Variants in RNF144A observed in about 807,000 individuals in gnomAD.
RNF144A encodes ring finger protein 144A.
RNF144A carries 11 observed loss-of-function variants against 38.7 expected under a neutral mutation model. That is an observed-to-expected ratio of 0.28 (90% CI 0.18 to 0.47). The LOEUF (loss-of-function observed/expected upper bound fraction) is 0.47, where lower values mean the gene tolerates loss of function less well. RNF144A is among the 20% of genes least tolerant of loss of function. The probability of loss-of-function intolerance (pLI) is 0.99; values close to 1 mark genes in which losing one functional copy is unlikely to be tolerated. For synonymous variants in RNF144A, 149 were observed against 143.9 expected, an observed-to-expected ratio of 1.04 and a Z score of -0.25; for missense variants, 316 against 377.2, an observed-to-expected ratio of 0.84 and a Z score of 1.34.
intron 1 of RNF144A, among the ~76,000 whole-genome samples, chr2:6,922,976 G>T (rs1330587981): frequency 6.6e-6 from 1 of 152,186 alleles, no homozygotes; most frequent in Non-Finnish European, 1.5e-5. Flanking sequence ...CCTGGCTGGT[G>T]ATCTGGTGGG....
At chr2:7,014,587 T>C in intron 4 of RNF144A, 29 bp downstream of exon 4, 1 of 1,562,104 alleles carries the variant, frequency 6.4e-7, no homozygotes, top group Non-Finnish European at 8.8e-7. Context: ...ACTGGGCTGT[T>C]TGATGTGCAC....
Position 6,975,064 on chromosome 2 carries a change from C to T in RNF144A, c.-11-21852C>T, listed in dbSNP as rs78575063. ...TTTTTAAATATTCATGTGTATTAGT[C>T]CATTTTCATGCTGCTAATAAAGACA... On this transcript the variant is annotated intron_variant, in intron 2 of 8. Coordinates refer to ENST00000320892, the MANE Select transcript of RNF144A (RefSeq NM_014746.6). 6.7e-3 allele frequency among the ~76,000 whole-genome samples: 1,020 copies of T among 152,072 alleles called. 4 individuals carry two copies. The highest frequency in any genetic ancestry group is 0.014 in the Admixed American group (208 of 15,280).
In RNF144A at chr2:6,996,897, C is replaced by T. The variant is rs377571047; in HGVS notation, c.-11-19C>T. On this transcript the variant is annotated intron_variant, in intron 2 of 8. Coordinates refer to ENST00000320892, the MANE Select transcript of RNF144A (RefSeq NM_014746.6). ...CCAGGGGTGGGGAGGTCTGACCTTC[C>T]GTGCTTCTCTCGTTTCAGACTGTTC... 2.8e-5 allele frequency: 45 copies of T among 1,608,068 alleles called. No individual in the cohort carries two copies. The highest frequency in any genetic ancestry group is 3.5e-5 in the Non-Finnish European group (41 of 1,176,208).
rs1666173652 is a variant in RNF144A at position 6,943,915 on chromosome 2, C to T, written c.-12+2768C>T. ...TCACCTGAAGCATTCACAGCCCACT[C>T]GAAGCTCTGGCTCCAGACTGAAAGA... On this transcript the variant is annotated intron_variant, in intron 2 of 8. Coordinates refer to ENST00000320892, the MANE Select transcript of RNF144A (RefSeq NM_014746.6). This position sits in a 1 kb window ranked among gnomAD's most constrained non-coding sequence, Gnocchi z 4.3. Among the ~76,000 whole-genome samples the T allele has an allele frequency of 2.0e-5, 3 of 152,116 alleles. No homozygotes were observed. Among genetic ancestry groups the T allele is most frequent in the South Asian group, 2.1e-4 (1 of 4,820 alleles).
At chr2:6,921,936 C>CAA (rs1417025893) in intron 1 of RNF144A, among the ~76,000 whole-genome samples, 2 of 152,172 alleles carry the variant, frequency 1.3e-5, no homozygotes, top group African/African-American at 4.8e-5. Context: ...AGCTGCCTTA[C>CAA]CATTGGCCTT....
intron 2 of RNF144A, among the ~76,000 whole-genome samples, chr2:6,971,374 G>A (rs982526910): frequency 5.3e-5 from 8 of 152,184 alleles, no homozygotes; most frequent in African/African-American, 1.9e-4. Flanking sequence ...TCTAGTATAC[G>A]TGGTGATTCC....
intron 1 of RNF144A, among the ~76,000 whole-genome samples, chr2:6,939,327 A>C (rs1002402257): frequency 6.6e-6 from 1 of 152,088 alleles, no homozygotes; most frequent in African/African-American, 2.4e-5. Context: ...CATTTCCCTA[A>C]TTGGTTAGTC....
chr2:7,039,915 A>G lies in RNF144A; in HGVS notation c.*155A>G, dbSNP rs1416241996. The G allele has an allele frequency of 1.3e-5, 19 of 1,432,980 alleles. No individual in the cohort carries two copies. The highest frequency in any genetic ancestry group is 1.4e-5 in the African/African-American group (1 of 69,462). The allele number at this position is 1,432,980 out of a possible 1,614,324, so 88.8% of individuals were successfully genotyped here. A position where few individuals can be genotyped will look rare whatever the true frequency, so the allele number is the denominator to read the frequency against. On this transcript the variant is annotated 3_prime_UTR_variant, in exon 9 of 9. Coordinates refer to ENST00000320892, the MANE Select transcript of RNF144A (RefSeq NM_014746.6). ...CTGGACGCCGTGATTTCAGGGACCT[A>G]TGTCACAATGTTCGCTGAGGCCCCA...
chr2:7,068,328 C>T (rs902156102), downstream of RNF144A: 36 of 1,052,684 alleles, frequency 3.4e-5, no homozygotes, highest in African/African-American at 5.8e-4. Flanking sequence ...CAGAGTAATT[C>T]ATTTGGGTAG....
intron 7 of RNF144A, among the ~76,000 whole-genome samples, chr2:7,028,646 G>A (rs531091296): frequency 2.2e-4 from 34 of 152,238 alleles, no homozygotes; most frequent in Non-Finnish European, 3.8e-4. Context: ...CATACAAATG[G>A]AGAATGAGCT....
At chr2:7,007,866 C>G (rs921744610) in intron 3 of RNF144A, among the ~76,000 whole-genome samples, 3 of 152,254 alleles carry the variant, frequency 2.0e-5, no homozygotes, top group Admixed American at 1.3e-4. Flanking sequence ...CACCGCTTCT[C>G]TTGCAGCTTG....
At chr2:6,967,014 A>G (rs954190214) in intron 2 of RNF144A, among the ~76,000 whole-genome samples, 4 of 152,146 alleles carry the variant, frequency 2.6e-5, no homozygotes, top group Admixed American at 1.3e-4. Flanking sequence ...TCATGGTGTC[A>G]GTTTTTACAG....
At chr2:6,972,036 G>A (rs1046269233) in intron 2 of RNF144A, among the ~76,000 whole-genome samples, 2 of 152,116 alleles carry the variant, frequency 1.3e-5, no homozygotes, top group African/African-American at 4.8e-5. Flanking sequence ...CCCTGGGGAG[G>A]AATTACTGTC....
chr2:7,045,142 C>G (rs1234849931), downstream of RNF144A, among the ~76,000 whole-genome samples: 1 of 152,182 alleles, frequency 6.6e-6, no homozygotes, highest in South Asian at 2.1e-4. Flanking sequence ...AGGAAGGGCC[C>G]AGTTCAACAA....
chr2:7,052,727 G>A (rs1673577529), intron 6 of RNF144A, among the ~76,000 whole-genome samples: 1 of 152,182 alleles, frequency 6.6e-6, no homozygotes, highest in South Asian at 2.1e-4. Flanking sequence ...GGTTTCTGTT[G>A]TAACATGGGG....
At chr2:6,978,403 T>A (rs867715387) in intron 2 of RNF144A, among the ~76,000 whole-genome samples, 1 of 152,222 alleles carries the variant, frequency 6.6e-6, no homozygotes, top group African/African-American at 2.4e-5. Context: ...AGACAGCCCA[T>A]GTCTTTTCTT....
At chr2:6,967,844 C>G (rs1667768698) in intron 2 of RNF144A, among the ~76,000 whole-genome samples, 1 of 152,122 alleles carries the variant, frequency 6.6e-6, no homozygotes, top group South Asian at 2.1e-4. Flanking sequence ...AGGGAAAACT[C>G]AAAAGCTCGC....
At chr2:6,953,546 A>G (rs1666818793) in intron 2 of RNF144A, among the ~76,000 whole-genome samples, 2 of 152,206 alleles carry the variant, frequency 1.3e-5, no homozygotes, top group African/African-American at 4.8e-5. Flanking sequence ...TCTATAACCC[A>G]TGAGTTACTG....
At chr2:7,059,191 C>G (rs1673859878) in intron 6 of RNF144A, among the ~76,000 whole-genome samples, 1 of 151,868 alleles carries the variant, frequency 6.6e-6, no homozygotes, top group Non-Finnish European at 1.5e-5. Context: ...ACTAAAAATA[C>G]AAAAAATTAG....
Sources: gnomAD v4.1 joint callset for allele counts (sites outside exome capture counted in the v4.1 genomes callset) on GRCh38, gnomAD v4.1.1 for gene constraint, Gnocchi (gnomAD v3.1) non-coding constraint, MANE v1.5 for transcripts, NCBI Gene and HGNC (gene_info 2026-07-23, HGNC 2026-07-21) for gene names.